DECR2: variants seen among roughly 807,000 people sequenced by gnomAD.
DECR2 encodes the protein 2,4-dienoyl-CoA reductase 2.
A neutral mutation model predicts 29.2 loss-of-function variants in DECR2; 34 were observed. The ratio of observed to expected loss-of-function variants is 1.16; its 90% CI spans 0.89 to 1.55. DECR2 has a LOEUF of 1.55. DECR2 is among the 40% of genes most tolerant of loss of function. The probability of loss-of-function intolerance (pLI) is 0.00; values close to 1 mark genes in which losing one functional copy is unlikely to be tolerated. For missense variants in DECR2, 485 were observed against 425.3 expected (o/e 1.14, Z -1.23); for synonymous variants, 224 against 182.7 (o/e 1.23, Z -1.82).
In DECR2 at chr16:411,880, A is replaced by T; in HGVS notation, c.*1-10A>T. ...CCTCAGCCGGCTACTAAGTTCTGAA[A>T]CTCCTGCAGGAATCTTCCGGCCGCT... On this transcript the variant is annotated splice_polypyrimidine_tract_variant and intron_variant, in intron 8 of 8. Coordinates refer to ENST00000219481, the MANE Select transcript of DECR2 (RefSeq NM_020664.4). 1 of 364,136 alleles carries T rather than the reference A, an allele frequency of 2.7e-6. No homozygotes were observed. Among genetic ancestry groups the T allele is most frequent in the Non-Finnish European group, 4.9e-6 (1 of 202,880 alleles). 22.6% of individuals were successfully genotyped at this position (364,136 alleles called of 1,614,324 possible).
At position 411,537 on chromosome 16, in the gene DECR2, A is replaced by G. The variant is rs200788453; in HGVS notation, c.838A>G (p.Lys280Glu). 6 of 1,613,856 alleles carry G rather than the reference A, an allele frequency of 3.7e-6. No homozygotes were observed. Among genetic ancestry groups the G allele is most frequent in the Non-Finnish European group, 5.1e-6 (6 of 1,179,956 alleles). ...ATGGTTGACGTTCCCAAACGGTGTC[A>G]AAGGGCTGCCGGATTTCGCATCCTT... is the stretch of plus-strand genomic sequence containing the variant. ...GAWLTFPNGV[K>E]GLPDFASFSA... Residue 280 changes from lysine (K) to glutamate (E), a missense_variant, in exon 8 of 9, where the codon AAA (lysine) becomes GAA (glutamate). Physicochemically the swap from Lys to Glu is moderately conservative, Grantham distance 56 (BLOSUM62 1). Transcript: ENST00000219481.
intron 1 of DECR2, among the ~76,000 whole-genome samples, chr16:404,163 A>G (rs1172543255): frequency 6.6e-6 from 1 of 151,776 alleles, no homozygotes; most frequent in Admixed American, 6.6e-5. Context: ...ACAGAGCGAG[A>G]CTCCATCTCA....
At position 410,408 on chromosome 16, in the gene DECR2, G is replaced by A. The variant is rs780529988; in HGVS notation, c.462+41G>A. The stretch of plus-strand genomic sequence containing the variant: ...GCTCTGTGAGAAGTTCTTCCGGGTG[G>A]GTGCCTCGTGCGCTCTGTGAGAAGT... On this transcript the variant is annotated intron_variant, in intron 5 of 8. Coordinates refer to ENST00000219481, the MANE Select transcript of DECR2 (RefSeq NM_020664.4). The surrounding 1 kb of genome is among the most constrained non-coding windows in gnomAD (Gnocchi z 4.1). The A allele has an allele frequency of 4.4e-6, 7 of 1,590,716 alleles. No homozygotes were observed. In the South Asian group the frequency reaches 6.6e-5, roughly 15 times the overall value.
rs972356889 is a variant in DECR2, at chr16:411,047, T to G, written c.632T>G (p.Ile211Ser). The G allele has an allele frequency of 1.3e-6, 2 of 1,580,140 alleles. No individual in the cohort carries two copies. Among genetic ancestry groups the G allele is most frequent in the Non-Finnish European group, 1.7e-6 (2 of 1,166,072 alleles). Residue 211 changes from isoleucine to serine, a missense_variant, in exon 7 of 9, where the codon ATC becomes AGC. Transcript: ENST00000219481. ...GTCAACAGCCTCGCCCCTGGCCCCA[T>G]CAGTGGCACAGAGGGGCTCCGGCGA... ...IRVNSLAPGPISGTEGLRRLG... is the reference protein window; with the variant it reads ...IRVNSLAPGPSSGTEGLRRLG...
chr16:406,738 G>T, intron 3 of DECR2: 1 of 615,898 alleles, frequency 1.6e-6, no homozygotes, highest in South Asian at 1.9e-5. Context: ...GACCTCAGGT[G>T]ATCCGCCCAC....
At position 411,538 on chromosome 16, in the gene DECR2, A is replaced by G. The variant is rs774145731; in HGVS notation, c.839A>G (p.Lys280Arg). ...TGGTTGACGTTCCCAAACGGTGTCA[A>G]AGGGCTGCCGGATTTCGCATCCTTC... is the stretch of plus-strand genomic sequence containing the variant. ...GAWLTFPNGV[K>R]GLPDFASFSA... Residue 280 changes from lysine to arginine, a missense_variant, in exon 8 of 9, where the codon AAA becomes AGA. Lys to Arg is a conservative substitution (Grantham distance 26). Coordinates refer to ENST00000219481, the MANE Select transcript of DECR2 (RefSeq NM_020664.4). 1.2e-6 allele frequency: 2 copies of G among 1,613,984 alleles called. No homozygotes were observed. The highest frequency in any genetic ancestry group is 3.3e-5 in the Admixed American group (2 of 60,012).
At position 406,386 on chromosome 16, in the gene DECR2, CGAGTGCTG is replaced by C; in HGVS notation, c.191_198del (p.Arg64HisfsTer46). ...GGTGATTGCCAGTAGGAGCCTGCCGCGAGTGCTGACGGTGAGAGGGCCTCTCCCATGGT... is the reference window on the plus strand; with the variant it reads ...GGTGATTGCCAGTAGGAGCCTGCCGCACGGTGAGAGGGCCTCTCCCATGGT... On this transcript the variant is annotated frameshift_variant, in exon 3 of 9. Coordinates refer to ENST00000219481, the MANE Select transcript of DECR2 (RefSeq NM_020664.4). LOFTEE classifies it high-confidence loss of function. The C allele has an allele frequency of 6.2e-7, 1 of 1,607,814 alleles. No individual in the cohort carries two copies. The highest frequency in any genetic ancestry group is 1.7e-5 in the Admixed American group (1 of 60,008).
intron 1 of DECR2, 110 bp downstream of exon 1, chr16:402,153 C>CTG (rs1359363175): frequency 2.3e-5 from 20 of 851,086 alleles, no homozygotes; most frequent in Non-Finnish European, 3.2e-5. Flanking sequence ...CCTGTCTTGC[C>CTG]TGGCTCCTTT....
chr16:411,355 C>T lies in DECR2; in HGVS notation c.662-6C>T. ...CACGGGGCCTGAGCCTTCTGCTGCC[C>T]TCCAGGTGGCCCTCAGGCCAGCCTG... On this transcript the variant is annotated splice_polypyrimidine_tract_variant and splice_region_variant and intron_variant, in intron 7 of 8. Coordinates refer to ENST00000219481, the MANE Select transcript of DECR2 (RefSeq NM_020664.4). The T allele has an allele frequency of 6.2e-7, 1 of 1,602,878 alleles. No homozygotes were observed. Among genetic ancestry groups the T allele is most frequent in the Non-Finnish European group, 8.5e-7 (1 of 1,177,954 alleles).
intron 4 of DECR2, chr16:409,481 T>C (rs942595771): frequency 6.6e-6 from 1 of 152,236 alleles, no homozygotes; most frequent in Admixed American, 6.5e-5. Context: ...ATTTTTTTTT[T>C]TAAATCACAG....
intron 2 of DECR2, chr16:405,613 A>T (rs2054715237): frequency 7.7e-7 from 1 of 1,303,810 alleles, no homozygotes; most frequent in African/African-American, 1.5e-5. Context: ...CCCGAACCAG[A>T]AGAGCCGAGA....
chr16:404,558 A>G (rs1025804613), intron 1 of DECR2, among the ~76,000 whole-genome samples: 1 of 152,018 alleles, frequency 6.6e-6, no homozygotes, highest in Non-Finnish European at 1.5e-5. Context: ...ATTTTAAATC[A>G]TTGCCGTATA....
intron 3 of DECR2, chr16:406,689 G>A: frequency 1.6e-6 from 1 of 621,708 alleles, no homozygotes; most frequent in Non-Finnish European, 2.7e-6. Flanking sequence ...TGGTAGAGAT[G>A]GGTTTTCACC....
Position 410,076 on chromosome 16 carries a change from G to A in DECR2, c.338-167G>A, listed in dbSNP as rs2054792587. 9 of 992,526 alleles carry A rather than the reference G, an allele frequency of 9.1e-6. No homozygotes were observed. Among genetic ancestry groups the A allele is most frequent in the East Asian group, 5.3e-5 (2 of 37,642 alleles). The allele number at this position is 992,526 out of a possible 1,614,324, so 61.5% of individuals were successfully genotyped here. A position where few individuals can be genotyped will look rare whatever the true frequency, so the allele number is the denominator to read the frequency against. On this transcript the variant is annotated intron_variant, in intron 4 of 8. Coordinates refer to ENST00000219481, the MANE Select transcript of DECR2 (RefSeq NM_020664.4). The surrounding 1 kb of genome is among the most constrained non-coding windows in gnomAD (Gnocchi z 4.1). The stretch of plus-strand genomic sequence containing the variant: ...GGGACACAGTGCAGCCAGGACGCCC[G>A]TCTTGCTCTGGTCATTTTGGAATTT...
chr16:405,505 G>C (rs998655717), intron 2 of DECR2: 2 of 1,298,800 alleles, frequency 1.5e-6, no homozygotes, highest in Non-Finnish European at 2.0e-6. Flanking sequence ...TGGTGGCTTT[G>C]TGCTCAGGGC....
intron 1 of DECR2, among the ~76,000 whole-genome samples, chr16:404,483 G>C (rs1340574301): frequency 1.3e-5 from 2 of 151,898 alleles, no homozygotes; most frequent in African/African-American, 4.8e-5. Context: ...CAGGTGATCC[G>C]CCCGCCTTGG....
intron 3 of DECR2, chr16:407,039 T>G: frequency 9.6e-7 from 1 of 1,043,068 alleles, no homozygotes; most frequent in South Asian, 4.0e-5. Context: ...GGGGGTAATG[T>G]GGCCCCAAGA....
At position 403,896 on chromosome 16, in the gene DECR2, C is replaced by T. The variant is rs561544547; in HGVS notation, c.81-1060C>T. ...CTGTCTCAAAATAAATAAATAGGCC[C>T]GGTGTGGTGGCTCATGCCTGTAATC... On this transcript the variant is annotated intron_variant, in intron 1 of 8. Coordinates refer to ENST00000219481, the MANE Select transcript of DECR2 (RefSeq NM_020664.4). Among the ~76,000 whole-genome samples, 9 of 152,004 alleles carry T rather than the reference C, an allele frequency of 5.9e-5. No homozygotes were observed. The East Asian group carries it at 1.2e-3, about 20-fold the overall frequency.
chr16:410,018 G>A lies in DECR2; in HGVS notation c.338-225G>A, dbSNP rs543125936. ...CAAACAAGGCCACAGTCGCAGGTAC[G>A]GAGCCAGGGCTTCAGCATGTCTTCT... On this transcript the variant is annotated intron_variant, in intron 4 of 8. Coordinates refer to ENST00000219481, the MANE Select transcript of DECR2 (RefSeq NM_020664.4). This position sits in a 1 kb window ranked among gnomAD's most constrained non-coding sequence, Gnocchi z 4.1. The A allele has an allele frequency of 1.4e-5, 8 of 574,876 alleles. No homozygotes were observed. Among genetic ancestry groups the A allele is most frequent in the Admixed American group, 3.2e-5 (1 of 31,692 alleles). 35.6% of individuals were successfully genotyped at this position (574,876 alleles called of 1,614,324 possible). A position where few individuals can be genotyped will look rare whatever the true frequency, so the allele number is the denominator to read the frequency against.
Sources: gnomAD v4.1 joint callset for allele counts (sites outside exome capture counted in the v4.1 genomes callset) on GRCh38, gnomAD v4.1.1 for gene constraint, Gnocchi (gnomAD v3.1) non-coding constraint, MANE v1.5 for transcripts, NCBI Gene and HGNC (gene_info 2026-07-23, HGNC 2026-07-21) for gene names.